Variants in ACAP2 observed in about 807,000 individuals in gnomAD.
ACAP2 encodes the protein ArfGAP with coiled-coil, ankyrin repeat and PH domains 2.
In ACAP2, 39 loss-of-function variants were observed where a neutral mutation model predicts 115.8. That is an observed-to-expected ratio of 0.34 (90% CI 0.26 to 0.44). The LOEUF is 0.44. Ranked by LOEUF, ACAP2 falls within the 20% of genes least tolerant of loss-of-function variation. The pLI is 1.00. For missense variants in ACAP2, 662 were observed against 927.6 expected (o/e 0.71, Z 3.72); for synonymous variants, 289 against 315.8 (o/e 0.92, Z 0.90).
chr3:195,431,887 T>C (rs1167923261), intron 1 of ACAP2, among the ~76,000 whole-genome samples: 1 of 152,198 alleles, frequency 6.6e-6, no homozygotes, highest in East Asian at 1.9e-4. Flanking sequence ...TTTTCCAGTA[T>C]AGCCATCCTA....
At chr3:195,391,973 C>A (rs75134248) in intron 2 of ACAP2, 117 bp downstream of exon 2, 3 of 766,258 alleles carry the variant, frequency 3.9e-6, no homozygotes, top group Non-Finnish European at 6.4e-6. Context: ...TCAGCCTGGG[C>A]GACAGAGTGA....
chr3:195,345,457 T>G (rs1195083663), intron 4 of ACAP2, 140 bp from the exon 5 acceptor site: 21 of 572,656 alleles, frequency 3.7e-5, no homozygotes, highest in Non-Finnish European at 4.9e-5. Flanking sequence ...ACAAAAGAAA[T>G]AACCATTTAA....
chr3:195,347,677 G>A (rs943956228), intron 4 of ACAP2, among the ~76,000 whole-genome samples: 1 of 152,122 alleles, frequency 6.6e-6, no homozygotes, highest in Admixed American at 6.5e-5. Context: ...TACAAATAGG[G>A]TTTTTGCATT....
chr3:195,289,302 A>G, intron 20 of ACAP2, 71 bp from the exon 21 acceptor site: 1 of 1,020,126 alleles, frequency 9.8e-7, no homozygotes, highest in South Asian at 1.4e-5. Context: ...CTTAAAAAAA[A>G]AAAGTACTAC....
intron 8 of ACAP2, among the ~76,000 whole-genome samples, chr3:195,329,415 A>C (rs1002922728): frequency 6.6e-6 from 1 of 152,132 alleles, no homozygotes; most frequent in African/African-American, 2.4e-5. Context: ...TTCCACTCCC[A>C]CAAACCTCAG....
At chr3:195,372,770 T>C (rs1733244001) in intron 4 of ACAP2, among the ~76,000 whole-genome samples, 1 of 152,062 alleles carries the variant, frequency 6.6e-6, no homozygotes, top group Admixed American at 6.6e-5. Flanking sequence ...GCTCTGATCA[T>C]ACCACTGTAC....
rs548824990 is a variant in ACAP2, at chr3:195,313,237, C to T, written c.858-4400G>A. Among the ~76,000 whole-genome samples the T allele has an allele frequency of 3.3e-4, 51 of 152,278 alleles. No homozygotes were observed. The Middle Eastern group carries it at 0.017, about 51-fold the overall frequency. On this transcript the variant is annotated intron_variant, in intron 10 of 22. Transcript: ENST00000326793. ...GAATATTCAAAAAGTTCTTCAAATA[C>T]TACATTACAGGAAGTTCTGGTAGGA... is the stretch of plus-strand genomic sequence containing the variant.
At chr3:195,330,691 CCTT>C (rs1730108571) in intron 8 of ACAP2, among the ~76,000 whole-genome samples, 1 of 152,138 alleles carries the variant, frequency 6.6e-6, no homozygotes. Context: ...TCTATTTTCT[CCTT>C]CTTCCTTAAC....
At chr3:195,345,024 C>A (rs925366346) in intron 5 of ACAP2, among the ~76,000 whole-genome samples, 1 of 152,260 alleles carries the variant, frequency 6.6e-6, no homozygotes, top group African/African-American at 2.4e-5. Context: ...GCTACATATC[C>A]TAGCCAAGTA....
At chr3:195,384,025 G>A (rs1035074032) in intron 2 of ACAP2, among the ~76,000 whole-genome samples, 2 of 152,130 alleles carry the variant, frequency 1.3e-5, no homozygotes, top group Admixed American at 6.5e-5. Flanking sequence ...ATTGTTGGTA[G>A]GAGTGTAAAT....
intron 1 of ACAP2, among the ~76,000 whole-genome samples, chr3:195,398,325 T>C (rs985830455): frequency 6.6e-6 from 1 of 152,200 alleles, no homozygotes; most frequent in Non-Finnish European, 1.5e-5. Flanking sequence ...AGCAACTGTA[T>C]ATTTGTTACA....
rs1199098836 is a variant in ACAP2, at chr3:195,306,631, CAT to C, written c.1011-17_1011-16del. 4.4e-6 allele frequency: 7 copies of C among 1,598,038 alleles called. No homozygotes were observed. The African/African-American group carries it at 9.4e-5, about 21-fold the overall frequency. On this transcript the variant is annotated splice_polypyrimidine_tract_variant and intron_variant, in intron 12 of 22. Coordinates refer to ENST00000326793, the MANE Select transcript of ACAP2 (RefSeq NM_012287.6). Reference sequence around the variant, plus strand: ...GCATGCAACTTCTAAAAGGAAATAACATATTGTTTTCTCAGACACTAAGTTAA... The same window carrying C: ...GCATGCAACTTCTAAAAGGAAATAACATTGTTTTCTCAGACACTAAGTTAA...
chr3:195,325,846 A>C (rs905878217), intron 9 of ACAP2, among the ~76,000 whole-genome samples: 4 of 152,292 alleles, frequency 2.6e-5, no homozygotes, highest in Non-Finnish European at 4.4e-5. Flanking sequence ...CTGTCAACTT[A>C]AAATAAAAAG....
At chr3:195,302,938 G>C (rs909635152) in intron 13 of ACAP2, among the ~76,000 whole-genome samples, 1 of 151,992 alleles carries the variant, frequency 6.6e-6, no homozygotes, top group Admixed American at 6.6e-5. Flanking sequence ...ATATGTCTGG[G>C]CACAATGGCT....
chr3:195,387,336 A>G (rs1427789396), intron 2 of ACAP2, among the ~76,000 whole-genome samples: 1 of 152,212 alleles, frequency 6.6e-6, no homozygotes, highest in Non-Finnish European at 1.5e-5. Flanking sequence ...TGTCATAGAC[A>G]CTCTGCCAGA....
chr3:195,378,429 T>C (rs1275206005), intron 4 of ACAP2, among the ~76,000 whole-genome samples: 3 of 151,218 alleles, frequency 2.0e-5, no homozygotes, highest in Non-Finnish European at 4.4e-5. Flanking sequence ...GAGGCAGAGG[T>C]TGCAGTGAGC....
Position 195,442,900 on chromosome 3 carries a change from G to T in ACAP2, c.-53C>A. 6.8e-7 allele frequency: 1 copy of T among 1,471,066 alleles called. No individual in the cohort carries two copies. Among genetic ancestry groups the T allele is most frequent in the Non-Finnish European group, 9.0e-7 (1 of 1,105,910 alleles). 91.1% of individuals were successfully genotyped at this position (1,471,066 alleles called of 1,614,324 possible). On this transcript the variant is annotated 5_prime_UTR_variant, in exon 1 of 23. Transcript: ENST00000326793. ...GCAAAGCCGAGGGGGCCGCGGGAGC[G>T]GCCGCGCTGGGACGCAGACGGCTAC... is the stretch of plus-strand genomic sequence containing the variant.
chr3:195,326,232 T>G (rs1291392980), intron 9 of ACAP2: 2 of 152,228 alleles, frequency 1.3e-5, no homozygotes, highest in Non-Finnish European at 2.9e-5. Context: ...CTCCTTTTAT[T>G]TTCAGATAAC....
In ACAP2 at chr3:195,279,244, T is replaced by C; in HGVS notation, c.*84A>G. The C allele has an allele frequency of 1.2e-6, 1 of 828,096 alleles. No homozygotes were observed. Among genetic ancestry groups the C allele is most frequent in the African/African-American group, 1.8e-5 (1 of 56,074 alleles). The allele number at this position is 828,096 out of a possible 1,614,324, so 51.3% of individuals were successfully genotyped here. A position where few individuals can be genotyped will look rare whatever the true frequency, so the allele number is the denominator to read the frequency against. ...CAATATCTACCAAAATTAAGTAGAA[T>C]TAAAGCAGTAAAAAAATTGTGATTT... On this transcript the variant is annotated 3_prime_UTR_variant, in exon 23 of 23. Transcript: ENST00000326793.
Sources: gnomAD v4.1 joint callset for allele counts (sites outside exome capture counted in the v4.1 genomes callset) on GRCh38, gnomAD v4.1.1 for gene constraint, MANE v1.5 for transcripts, NCBI Gene and HGNC (gene_info 2026-07-23, HGNC 2026-07-21) for gene names.